The following GABRB3 variants were observed in gnomAD, a reference collection of about 807,000 sequenced individuals.
GABRB3 encodes gamma-aminobutyric acid receptor subunit beta-3.
GABRB3 carries 14 observed loss-of-function variants against 52.1 expected under a neutral mutation model. The observed-to-expected ratio is 0.27, with a 90% CI of 0.18 to 0.42. The LOEUF (loss-of-function observed/expected upper bound fraction) is 0.42. Among genes scored for constraint, GABRB3 ranks in the 10% least tolerant of loss-of-function variants. The pLI is 1.00. For missense variants in GABRB3, 307 were observed against 609.1 expected (o/e 0.50, Z 5.22); for synonymous variants, 260 against 232.3 (o/e 1.12, Z -1.08).
At chr15:26,560,249 C>T (rs1396730045) in intron 8 of GABRB3, among the ~76,000 whole-genome samples, 3 of 152,168 alleles carry the variant, frequency 2.0e-5, no homozygotes, top group East Asian at 1.9e-4. Flanking sequence ...TTATGATCAT[C>T]AAGCCTGCCC....
intron 4 of GABRB3, among the ~76,000 whole-genome samples, chr15:26,602,058 T>C (rs979671404): frequency 2.0e-5 from 3 of 152,004 alleles, no homozygotes; most frequent in Non-Finnish European, 2.9e-5. Context: ...AATGAAGGAA[T>C]GGAAGAAGAT....
intron 8 of GABRB3, 152 bp from the exon 9 acceptor site, chr15:26,548,286 T>C (rs1333687651): frequency 1.4e-5 from 10 of 732,052 alleles, no homozygotes; most frequent in Non-Finnish European, 2.2e-5. Flanking sequence ...TATTGGAAAA[T>C]GTCATTTTGG....
At chr15:26,661,599 G>T (rs979627197) in intron 3 of GABRB3, among the ~76,000 whole-genome samples, 2 of 152,138 alleles carry the variant, frequency 1.3e-5, no homozygotes, top group African/African-American at 4.8e-5. Context: ...GCACAGTAGC[G>T]TGCAGGGAAA....
chr15:26,676,043 T>C (rs916412088), intron 3 of GABRB3, among the ~76,000 whole-genome samples: 5 of 152,178 alleles, frequency 3.3e-5, no homozygotes, highest in Non-Finnish European at 7.3e-5. Flanking sequence ...ACTTATGCAG[T>C]ATTCAAGTGT....
intron 3 of GABRB3, among the ~76,000 whole-genome samples, chr15:26,753,142 C>T (rs1036524113): frequency 2.6e-5 from 4 of 152,160 alleles, no homozygotes; most frequent in Admixed American, 6.5e-5. Flanking sequence ...GAGGGCTGCC[C>T]GGATGTCCAC....
intron 3 of GABRB3, among the ~76,000 whole-genome samples, chr15:26,674,400 C>CAAAAAAAAAAAAAAAAAA (rs55723767): frequency 1.2e-5 from 1 of 86,790 alleles, no homozygotes; most frequent in African/African-American, 4.8e-5. Context: ...GACTCAGTTT[C>CAAAAAAAAAAAAAAAAAA]AAAAAAAAAA....
chr15:26,596,100 T>G (rs1353207572), intron 4 of GABRB3, among the ~76,000 whole-genome samples: 1 of 151,986 alleles, frequency 6.6e-6, no homozygotes, highest in African/African-American at 2.4e-5. Context: ...AACATCAGGG[T>G]TGATCACGGC....
chr15:26,759,610 A>C (rs2140181554), intron 3 of GABRB3, among the ~76,000 whole-genome samples: 1 of 152,354 alleles, frequency 6.6e-6, no homozygotes, highest in Non-Finnish European at 1.5e-5. Context: ...GCTTAAAATT[A>C]TCTGCATTAA....
chr15:26,583,931 C>A (rs796209005), intron 4 of GABRB3, among the ~76,000 whole-genome samples: 5 of 151,914 alleles, frequency 3.3e-5, no homozygotes, highest in Middle Eastern at 3.2e-3. Flanking sequence ...CCTGCCACCA[C>A]GCCCAGCTAA....
At chr15:26,716,325 T>C (rs1889465637) in intron 3 of GABRB3, among the ~76,000 whole-genome samples, 1 of 152,252 alleles carries the variant, frequency 6.6e-6, no homozygotes, top group East Asian at 1.9e-4. Context: ...ATGAACCTGA[T>C]GTAGCTGATG....
At chr15:26,583,226 T>C in intron 5 of GABRB3, 106 bp downstream of exon 5, 1 of 863,640 alleles carries the variant, frequency 1.2e-6, no homozygotes, top group Non-Finnish European at 1.9e-6. Flanking sequence ...TTCCCCTCTT[T>C]CTATGTCAAA....
intron 3 of GABRB3, among the ~76,000 whole-genome samples, chr15:26,686,074 C>G (rs1342463400): frequency 6.6e-6 from 1 of 152,004 alleles, no homozygotes; most frequent in East Asian, 1.9e-4. Flanking sequence ...TCCTGAGTAG[C>G]TGGGACTATA....
chr15:26,640,300 G>A (rs1344554879), intron 3 of GABRB3, among the ~76,000 whole-genome samples: 1 of 152,106 alleles, frequency 6.6e-6, no homozygotes, highest in Admixed American at 6.5e-5. Flanking sequence ...GGCAGATCAC[G>A]AGGTCAGGAG....
chr15:26,685,964 C>T (rs539849538), intron 3 of GABRB3, among the ~76,000 whole-genome samples: 2 of 152,198 alleles, frequency 1.3e-5, no homozygotes, highest in African/African-American at 4.8e-5. Context: ...ACCACCATGC[C>T]CAGCTAATTT....
chr15:26,726,290 T>C (rs1889769257), intron 3 of GABRB3, among the ~76,000 whole-genome samples: 1 of 152,208 alleles, frequency 6.6e-6, no homozygotes, highest in Non-Finnish European at 1.5e-5. Flanking sequence ...TCAACCTGTG[T>C]AAAGATATCC....
chr15:26,605,138 A>G (rs1248029507), intron 4 of GABRB3, among the ~76,000 whole-genome samples: 2 of 152,204 alleles, frequency 1.3e-5, no homozygotes, highest in African/African-American at 4.8e-5. Context: ...AGACATTCAA[A>G]TGGCAAACAG....
At position 26,621,162 on chromosome 15, in the gene GABRB3, G is replaced by A. The variant is rs1475697994; in HGVS notation, c.461+152C>T. The A allele has an allele frequency of 6.0e-6, 4 of 662,340 alleles. No individual in the cohort carries two copies. The African/African-American group carries it at 9.0e-5, about 15-fold the overall frequency. 41.0% of individuals were successfully genotyped at this position (662,340 alleles called of 1,614,324 possible). On this transcript the variant is annotated intron_variant, in intron 4 of 8. Coordinates refer to ENST00000311550, the MANE Select transcript of GABRB3 (RefSeq NM_000814.6). The surrounding 1 kb of genome is among the most constrained non-coding windows in gnomAD (Gnocchi z 4.1). Reference sequence around the variant, plus strand: ...GTAATGCCCCAAATTTTATGGTTATGAGATTTTTTTTTCTGCAAAGCTTTA... The same window carrying A: ...GTAATGCCCCAAATTTTATGGTTATAAGATTTTTTTTTCTGCAAAGCTTTA...
At chr15:26,617,178 C>G (rs1351731297) in intron 4 of GABRB3, among the ~76,000 whole-genome samples, 2 of 152,124 alleles carry the variant, frequency 1.3e-5, no homozygotes, top group Non-Finnish European at 2.9e-5. Context: ...ACCATTCCTT[C>G]TGAAACTATT....
At chr15:26,735,253 G>C (rs184236016) in intron 3 of GABRB3, among the ~76,000 whole-genome samples, 1 of 152,198 alleles carries the variant, frequency 6.6e-6, no homozygotes, top group East Asian at 1.9e-4. Context: ...GTGTTGATCG[G>C]GATGTGAAGA....
Sources: gnomAD v4.1 joint callset for allele counts (sites outside exome capture counted in the v4.1 genomes callset) on GRCh38, gnomAD v4.1.1 for gene constraint, Gnocchi (gnomAD v3.1) non-coding constraint, MANE v1.5 for transcripts, NCBI Gene and HGNC (gene_info 2026-07-23, HGNC 2026-07-21) for gene names.